ZSCAN25: variants seen among roughly 807,000 people sequenced by gnomAD.
The protein encoded by ZSCAN25 is zinc finger and SCAN domain-containing protein 25.
Under a neutral mutation model 38.7 loss-of-function variants are expected in ZSCAN25, and 27 were observed. The ratio of observed to expected loss-of-function variants is 0.70; its 90% CI spans 0.51 to 0.96. ZSCAN25 has a LOEUF of 0.96. ZSCAN25 is among the 40% of genes least tolerant of loss of function. ZSCAN25 has a pLI of 0.00. For missense variants in ZSCAN25, 637 were observed against 705.9 expected, an observed-to-expected ratio of 0.90 and a Z score of 1.11; for synonymous variants, 273 against 277.7, an observed-to-expected ratio of 0.98 and a Z score of 0.17.
At chr7:99,679,029 G>A in the ZSCAN25 span, among the ~76,000 whole-genome samples, 122 of 152,334 alleles carry the variant, frequency 8.0e-4, no homozygotes, top group Non-Finnish European at 1.4e-3. Flanking sequence ...TGCCTTTTCA[G>A]GCTGCTAGTA....
the ZSCAN25 span, among the ~76,000 whole-genome samples, chr7:99,725,606 C>G: frequency 6.6e-6 from 1 of 152,202 alleles, no homozygotes; most frequent in Admixed American, 6.5e-5. Flanking sequence ...TAAGCCGTGC[C>G]CTGTCTGTGT....
chr7:99,715,687 G>A, the ZSCAN25 span: 4 of 1,608,166 alleles, frequency 2.5e-6, no homozygotes, highest in Middle Eastern at 3.3e-4. Flanking sequence ...GAATTACATG[G>A]TGATTTACAT....
the ZSCAN25 span, chr7:99,663,291 C>G: frequency 1.0e-6 from 1 of 996,858 alleles, no homozygotes; most frequent in Non-Finnish European, 1.2e-6. Context: ...ATTTCCAGAA[C>G]TCATCAGCAG....
the ZSCAN25 span, chr7:99,666,902 C>T: frequency 3.7e-6 from 6 of 1,606,244 alleles, no homozygotes; most frequent in Non-Finnish European, 5.1e-6. Context: ...TCTACCTGTC[C>T]CCAGATTCAT....
chr7:99,652,410 T>A, the ZSCAN25 span: 1 of 605,378 alleles, frequency 1.7e-6, no homozygotes, highest in Non-Finnish European at 2.8e-6. Flanking sequence ...TTGTAAAGTT[T>A]GATAATTATC....
chr7:99,700,211 A>T, the ZSCAN25 span, among the ~76,000 whole-genome samples: 1 of 152,206 alleles, frequency 6.6e-6, no homozygotes, highest in African/African-American at 2.4e-5. Flanking sequence ...GTAGCAAAGA[A>T]TCGCACACAC....
At chr7:99,646,797 TACACACACACACACACACACACACAC>T in the ZSCAN25 span, among the ~76,000 whole-genome samples, 2 of 142,170 alleles carry the variant, frequency 1.4e-5, no homozygotes, top group African/African-American at 5.1e-5. Flanking sequence ...ATATGTTTTA[TACACACACACACACACACACACACAC>T]ACACACACAC....
intron 5 of ZSCAN25, 24 bp from the exon 6 acceptor site, chr7:99,622,525 C>T (rs370706759): frequency 6.2e-7 from 1 of 1,609,242 alleles, no homozygotes; most frequent in South Asian, 1.1e-5. Flanking sequence ...TCTGATCTTT[C>T]TCATGCTTTT....
chr7:99,700,527 C>A, the ZSCAN25 span, among the ~76,000 whole-genome samples: 1 of 152,088 alleles, frequency 6.6e-6, no homozygotes, highest in Non-Finnish European at 1.5e-5. Flanking sequence ...CAGACAGACC[C>A]CTTCTGTTAA....
chr7:99,715,486 A>G, the ZSCAN25 span: 6 of 468,658 alleles, frequency 1.3e-5, no homozygotes, highest in African/African-American at 1.2e-4. Context: ...AGTGTCCAGA[A>G]TAGGCAAATC....
At chr7:99,644,194 A>G in the ZSCAN25 span, among the ~76,000 whole-genome samples, 1 of 152,142 alleles carries the variant, frequency 6.6e-6, no homozygotes, top group Non-Finnish European at 1.5e-5. Context: ...AGGTGCTGTG[A>G]TAGATTCTTC....
At chr7:99,652,458 G>A in the ZSCAN25 span, 1 of 745,264 alleles carries the variant, frequency 1.3e-6, no homozygotes, top group Non-Finnish European at 2.2e-6. Flanking sequence ...GCAAATGATT[G>A]TACAACCACA....
At chr7:99,622,780 T>C (rs1465130846) in intron 6 of ZSCAN25, 140 bp downstream of exon 6, 2 of 731,198 alleles carry the variant, frequency 2.7e-6, no homozygotes, top group Non-Finnish European at 4.5e-6. Context: ...GTGGACCTGA[T>C]GGTGTGGTTT....
the ZSCAN25 span, among the ~76,000 whole-genome samples, chr7:99,733,857 A>G: frequency 6.6e-6 from 1 of 152,190 alleles, no homozygotes; most frequent in Non-Finnish European, 1.5e-5. Context: ...AAGCAGGTGT[A>G]TTTGAAATGG....
chr7:99,629,152 C>A lies in ZSCAN25; in HGVS notation c.806-39C>A. 6.5e-7 allele frequency: 1 copy of A among 1,549,574 alleles called. No homozygotes were observed. On this transcript the variant is annotated intron_variant, in intron 7 of 7. Transcript: ENST00000394152. The surrounding 1 kb of genome is among the most constrained non-coding windows in gnomAD (Gnocchi z 5.6). ...GTTCTAACATGTAAATGTCCTGCGG[C>A]TACCACAGAATCAATCTTTATCTCC...
downstream of ZSCAN25, among the ~76,000 whole-genome samples, chr7:99,634,381 C>T (rs895992251): frequency 4.6e-5 from 7 of 152,314 alleles, no homozygotes; most frequent in South Asian, 2.1e-4. Context: ...CAGCCAGGTG[C>T]GGTGGCTCAC....
the ZSCAN25 span, among the ~76,000 whole-genome samples, chr7:99,735,388 ACT>A: frequency 1.3e-5 from 2 of 151,976 alleles, no homozygotes; most frequent in Non-Finnish European, 2.9e-5. Flanking sequence ...ATCATACACA[ACT>A]CAATCAATGT....
chr7:99,618,195 A>G (rs1482215207), intron 1 of ZSCAN25: 1 of 152,240 alleles, frequency 6.6e-6, no homozygotes, highest in African/African-American at 2.4e-5. Flanking sequence ...GGTCTTCCGC[A>G]TAATCCACTT....
chr7:99,637,387 T>A (rs1808323452), downstream of ZSCAN25, among the ~76,000 whole-genome samples: 2 of 152,152 alleles, frequency 1.3e-5, no homozygotes, highest in Middle Eastern at 3.4e-3. Context: ...CTGGGAAGAG[T>A]GTTTTTTTAA....
Sources: gnomAD v4.1 joint callset for allele counts (sites outside exome capture counted in the v4.1 genomes callset) on GRCh38, gnomAD v4.1.1 for gene constraint, Gnocchi (gnomAD v3.1) non-coding constraint, MANE v1.5 for transcripts, NCBI Gene and HGNC (gene_info 2026-07-23, HGNC 2026-07-21) for gene names.